The following RPS6KC1 variants were observed in gnomAD, a reference collection of about 807,000 sequenced individuals.
RPS6KC1 encodes the protein inactive ribosomal protein S6 kinase delta-1.
Under a neutral mutation model 103.8 loss-of-function variants are expected in RPS6KC1, and 54 were observed. The observed-to-expected ratio is 0.52, with a 90% CI of 0.42 to 0.65. The LOEUF (loss-of-function observed/expected upper bound fraction) is 0.65, where lower values mean the gene tolerates loss of function less well. RPS6KC1 is among the 30% of genes least tolerant of loss of function. The probability of loss-of-function intolerance (pLI) is 0.00; values close to 1 mark genes in which losing one functional copy is unlikely to be tolerated. For synonymous variants in RPS6KC1, 439 were observed against 438.7 expected, an observed-to-expected ratio of 1.00 and a Z score of -0.01; for missense variants, 1,151 against 1,253.8, an observed-to-expected ratio of 0.92 and a Z score of 1.24.
At chr1:213,232,445 A>T (rs1174007804) in intron 10 of RPS6KC1, among the ~76,000 whole-genome samples, 190 bp downstream of exon 10, 2 of 152,198 alleles carry the variant, frequency 1.3e-5, no homozygotes, top group Admixed American at 6.5e-5. Context: ...AACAGATTTC[A>T]TGTGAACTAT....
the RPS6KC1 span, among the ~76,000 whole-genome samples, chr1:213,319,141 A>C: frequency 2.5e-4 from 38 of 152,192 alleles, 1 homozygote; most frequent in East Asian, 5.0e-3. Flanking sequence ...CCCCATCTCT[A>C]CTAAAAATAC....
chr1:213,152,365 A>G (rs1348052587), intron 6 of RPS6KC1, among the ~76,000 whole-genome samples: 1 of 111,786 alleles, frequency 8.9e-6, no homozygotes, highest in East Asian at 3.1e-4. Flanking sequence ...GGGGCGGCTG[A>G]TGGGGCGGGG....
intron 10 of RPS6KC1, among the ~76,000 whole-genome samples, chr1:213,238,897 C>A (rs1248567079): frequency 6.6e-6 from 1 of 152,116 alleles, no homozygotes; most frequent in Non-Finnish European, 1.5e-5. Flanking sequence ...CCACCCAAAT[C>A]ATTTTATTTG....
chr1:213,527,531 G>T, the RPS6KC1 span, among the ~76,000 whole-genome samples: 5 of 152,176 alleles, frequency 3.3e-5, no homozygotes, highest in African/African-American at 4.8e-5. Flanking sequence ...CATTGGGTGG[G>T]TAGCATCATA....
At chr1:213,348,960 G>A in the RPS6KC1 span, among the ~76,000 whole-genome samples, 2 of 152,216 alleles carry the variant, frequency 1.3e-5, no homozygotes, top group Admixed American at 1.3e-4. Flanking sequence ...TTGAAAGGCT[G>A]TAGGTAAACA....
chr1:213,525,046 C>T, the RPS6KC1 span, among the ~76,000 whole-genome samples: 2 of 152,160 alleles, frequency 1.3e-5, no homozygotes, highest in Non-Finnish European at 2.9e-5. Context: ...AGGTAAAGTG[C>T]GTGACACCCA....
At chr1:213,576,677 A>G in the RPS6KC1 span, among the ~76,000 whole-genome samples, 856 of 152,278 alleles carry the variant, frequency 5.6e-3, 13 homozygotes, top group African/African-American at 0.02. Flanking sequence ...GAGACAAAAC[A>G]AAATTAAGAT....
chr1:213,218,106 A>G (rs982776390), intron 8 of RPS6KC1, among the ~76,000 whole-genome samples: 28 of 152,186 alleles, frequency 1.8e-4, no homozygotes, highest in African/African-American at 6.8e-4. Context: ...AGATGACATG[A>G]TTATATATCT....
the RPS6KC1 span, among the ~76,000 whole-genome samples, chr1:213,456,806 G>C: frequency 6.6e-6 from 1 of 152,030 alleles, no homozygotes; most frequent in East Asian, 1.9e-4. Context: ...ACACTGAAAC[G>C]TGCCTTTCCT....
intron 8 of RPS6KC1, chr1:213,205,536 T>TTTTATA (rs1553378412): frequency 4.4e-4 from 36 of 82,292 alleles, no homozygotes; most frequent in African/African-American, 1.7e-3. Flanking sequence ...ACAAACTCAT[T>TTTTATA]TATATATATA....
rs193921071 is a variant in RPS6KC1 at position 213,272,596 on chromosome 1, T to C, written c.3163T>C (p.Phe1055Leu). ...TGTTGAAGATATCAAATCTCATCCA[T>C]TTTTTACCCCTGTGGATTGGGCAGA... ...AGVEDIKSHP[F>L]FTPVDWAELM... Residue 1055 changes from phenylalanine to leucine, a missense_variant, in exon 15 of 15, where the codon TTT becomes CTT. Physicochemically the swap from Phe to Leu is conservative, Grantham distance 22 (BLOSUM62 0). Coordinates refer to ENST00000366960, the MANE Select transcript of RPS6KC1 (RefSeq NM_012424.6). The C allele has an allele frequency of 6.2e-7, 1 of 1,613,690 alleles. No individual in the cohort carries two copies. The highest frequency in any genetic ancestry group is 8.5e-7 in the Non-Finnish European group (1 of 1,179,638).
the RPS6KC1 span, among the ~76,000 whole-genome samples, chr1:213,339,380 G>A: frequency 8.5e-5 from 13 of 152,208 alleles, no homozygotes; most frequent in African/African-American, 1.9e-4. Context: ...AGTGATGCTC[G>A]TTAAGAACAA....
chr1:213,188,516 A>T (rs765250943), intron 8 of RPS6KC1, among the ~76,000 whole-genome samples: 3 of 151,942 alleles, frequency 2.0e-5, no homozygotes, highest in Non-Finnish European at 2.9e-5. Context: ...TGGCACTTAC[A>T]TATTTGTTTG....
the RPS6KC1 span, among the ~76,000 whole-genome samples, chr1:213,815,203 A>G: frequency 6.6e-6 from 1 of 152,064 alleles, no homozygotes; most frequent in African/African-American, 2.4e-5. Flanking sequence ...GGATGCGTTT[A>G]CTTCCCCTTC....
At chr1:213,621,311 T>C in the RPS6KC1 span, among the ~76,000 whole-genome samples, 1 of 151,530 alleles carries the variant, frequency 6.6e-6, no homozygotes, top group African/African-American at 2.4e-5. Flanking sequence ...TAGATACGGC[T>C]GAGAAACAGG....
chr1:213,838,338 A>T, the RPS6KC1 span, among the ~76,000 whole-genome samples: 2 of 152,156 alleles, frequency 1.3e-5, no homozygotes, highest in Admixed American at 1.3e-4. Context: ...AGCCAAGAAG[A>T]CCTAAGCAGA....
the RPS6KC1 span, among the ~76,000 whole-genome samples, chr1:213,773,050 C>T: frequency 5.6e-3 from 854 of 152,248 alleles, 1 homozygote; most frequent in Non-Finnish European, 9.5e-3. Context: ...AAGCCTTTTC[C>T]CCTTCAGTCC....
intron 7 of RPS6KC1, among the ~76,000 whole-genome samples, chr1:213,171,791 G>T (rs2091495227): frequency 6.6e-6 from 1 of 152,176 alleles, no homozygotes; most frequent in Non-Finnish European, 1.5e-5. Flanking sequence ...GCAATTTAGT[G>T]TCAGGCTTGA....
rs527809956 is a variant in RPS6KC1, at chr1:213,152,350, C to T, written c.836-15508C>T. Among the ~76,000 whole-genome samples, 1,165 of 145,712 alleles carry T rather than the reference C, an allele frequency of 8.0e-3. 13 individuals are homozygous for T. The highest frequency in any genetic ancestry group is 0.013 in the Non-Finnish European group (851 of 64,654). On this transcript the variant is annotated intron_variant, in intron 6 of 14. Transcript: ENST00000366960. The stretch of plus-strand genomic sequence containing the variant: ...GGGCTGACCCCCCCCACCTCCCTCC[C>T]GGACGGGGCGGCTGATGGGGCGGGG...
Sources: gnomAD v4.1 joint callset for allele counts (sites outside exome capture counted in the v4.1 genomes callset) on GRCh38, gnomAD v4.1.1 for gene constraint, MANE v1.5 for transcripts, NCBI Gene and HGNC (gene_info 2026-07-23, HGNC 2026-07-21) for gene names.